The following CDH9 variants were observed in gnomAD, a reference collection of about 807,000 sequenced individuals.
CDH9 encodes the protein cadherin-9.
In CDH9, 28 loss-of-function variants were observed where a neutral mutation model predicts 70.9. That is an observed-to-expected ratio of 0.40 (90% CI 0.29 to 0.54). CDH9 has a LOEUF of 0.54. CDH9 is among the 20% of genes least tolerant of loss of function. The pLI, the probability that CDH9 is intolerant of heterozygous loss-of-function variation, is 0.59. For synonymous variants in CDH9, 409 were observed against 343.1 expected, an observed-to-expected ratio of 1.19 and a Z score of -2.12; for missense variants, 874 against 984.4, an observed-to-expected ratio of 0.89 and a Z score of 1.50.
chr5:26,893,882 T>C (rs1318805917), intron 7 of CDH9, among the ~76,000 whole-genome samples: 1 of 152,148 alleles, frequency 6.6e-6, no homozygotes, highest in Non-Finnish European at 1.5e-5. Flanking sequence ...CAAAATATTA[T>C]GTTTCCTACC....
intron 2 of CDH9, among the ~76,000 whole-genome samples, chr5:26,983,182 T>A (rs138775518): frequency 3.3e-5 from 5 of 152,248 alleles, no homozygotes; most frequent in Admixed American, 1.3e-4. Context: ...GCGGATGTGA[T>A]GAACAAAAGG....
At chr5:27,032,608 T>C (rs1462172498) in intron 1 of CDH9, among the ~76,000 whole-genome samples, 2 of 151,680 alleles carry the variant, frequency 1.3e-5, no homozygotes, top group Admixed American at 6.6e-5. Context: ...CTTTATTAAG[T>C]TGTAACATTA....
intron 3 of CDH9, among the ~76,000 whole-genome samples, chr5:26,911,722 A>G (rs1184876686): frequency 1.3e-5 from 2 of 152,236 alleles, no homozygotes; most frequent in Admixed American, 6.5e-5. Flanking sequence ...CATTGTAATC[A>G]AAGTGTATCC....
intron 1 of CDH9, among the ~76,000 whole-genome samples, chr5:27,017,078 T>C (rs1320716265): frequency 6.6e-6 from 1 of 151,804 alleles, no homozygotes; most frequent in Admixed American, 6.6e-5. Flanking sequence ...CCTTCTATTC[T>C]TCTTCATTGT....
chr5:26,992,197 C>T (rs1258085402), intron 1 of CDH9, among the ~76,000 whole-genome samples: 1 of 152,144 alleles, frequency 6.6e-6, no homozygotes, highest in African/African-American at 2.4e-5. Flanking sequence ...GTAATGCTCT[C>T]CTGCCTGCTG....
chr5:26,999,812 CA>C (rs1202597618), intron 1 of CDH9, among the ~76,000 whole-genome samples: 1 of 151,848 alleles, frequency 6.6e-6, no homozygotes, highest in Non-Finnish European at 1.5e-5. Flanking sequence ...TTTCAGAGGA[CA>C]AAAGGACTTT....
intron 7 of CDH9, among the ~76,000 whole-genome samples, chr5:26,891,929 G>A (rs1047672582): frequency 1.9e-4 from 29 of 152,084 alleles, no homozygotes; most frequent in African/African-American, 6.5e-4. Flanking sequence ...CAACTGCAAG[G>A]ACTTGAAATC....
intron 3 of CDH9, among the ~76,000 whole-genome samples, chr5:26,907,938 T>C (rs113012825): frequency 3.3e-5 from 5 of 152,306 alleles, no homozygotes; most frequent in Non-Finnish European, 5.9e-5. Context: ...AATTGAATTA[T>C]GGTGGATGTT....
chr5:26,933,364 T>A (rs1741497738), intron 2 of CDH9, among the ~76,000 whole-genome samples: 1 of 150,228 alleles, frequency 6.7e-6, no homozygotes, highest in South Asian at 2.1e-4. Context: ...TCCAAAAAAA[T>A]AAATAGGAAA....
chr5:26,896,027 G>T (rs139107511), intron 7 of CDH9, among the ~76,000 whole-genome samples: 15 of 152,046 alleles, frequency 9.9e-5, no homozygotes, highest in African/African-American at 3.6e-4. Flanking sequence ...TTGCAAATTG[G>T]CAGAATTGGT....
At chr5:26,955,872 G>C (rs1216719065) in intron 2 of CDH9, among the ~76,000 whole-genome samples, 1 of 152,176 alleles carries the variant, frequency 6.6e-6, no homozygotes, top group Non-Finnish European at 1.5e-5. Flanking sequence ...AGACAGAATG[G>C]AATCAAATCC....
chr5:26,919,626 C>T (rs893680551), intron 2 of CDH9, among the ~76,000 whole-genome samples: 11 of 152,138 alleles, frequency 7.2e-5, no homozygotes. Context: ...TCTCTCCCAA[C>T]CACCAACAGC....
Position 26,988,146 on chromosome 5 carries a change from A to G in CDH9, c.188T>C (p.Leu63Ser). Residue 63 changes from leucine to serine, a missense_variant, in exon 2 of 12, where the codon TTG becomes TCG. Leu to Ser is a moderately radical substitution (Grantham distance 145, BLOSUM62 -2). Coordinates refer to ENST00000231021, the MANE Select transcript of CDH9 (RefSeq NM_016279.4). ...RGWMWNQFFL[L>S]EEYTGTDTQY... ...TGTGTCAGTACCTGTGTACTCTTCC[A>G]ATAAGAAGAACTGATTCCACATCCA... The G allele has an allele frequency of 2.5e-6, 4 of 1,613,072 alleles. No homozygotes were observed. The South Asian group carries it at 4.4e-5, about 18-fold the overall frequency.
At chr5:26,993,299 T>G (rs1742611998) in intron 1 of CDH9, among the ~76,000 whole-genome samples, 1 of 152,128 alleles carries the variant, frequency 6.6e-6, no homozygotes, top group African/African-American at 2.4e-5. Context: ...TTTTACAGAA[T>G]GTAGAATTTG....
At chr5:26,937,396 G>A (rs1391419135) in intron 2 of CDH9, among the ~76,000 whole-genome samples, 1 of 152,096 alleles carries the variant, frequency 6.6e-6, no homozygotes, top group East Asian at 1.9e-4. Flanking sequence ...GGAGCAATGA[G>A]AACTCAGTCA....
chr5:26,952,634 C>CAAAAAAAAAAAAAA (rs35876875), intron 2 of CDH9, among the ~76,000 whole-genome samples: 6 of 57,800 alleles, frequency 1.0e-4, no homozygotes, highest in Non-Finnish European at 1.8e-4. Context: ...GACTCCGTCT[C>CAAAAAAAAAAAAAA]AAAAAAAAAA....
chr5:27,024,386 G>T (rs1203455610), intron 1 of CDH9, among the ~76,000 whole-genome samples: 2 of 151,962 alleles, frequency 1.3e-5, no homozygotes, highest in African/African-American at 4.8e-5. Flanking sequence ...AAAAAATGTA[G>T]TGTCACATCA....
At chr5:26,999,470 A>C (rs1742726604) in intron 1 of CDH9, among the ~76,000 whole-genome samples, 1 of 152,096 alleles carries the variant, frequency 6.6e-6, no homozygotes, top group South Asian at 2.1e-4. Flanking sequence ...AAGCAAAATA[A>C]TTTCCAAACT....
intron 2 of CDH9, among the ~76,000 whole-genome samples, chr5:26,959,599 A>G (rs1273742811): frequency 6.6e-6 from 1 of 152,142 alleles, no homozygotes; most frequent in Non-Finnish European, 1.5e-5. Flanking sequence ...GGAAGAAACC[A>G]AAGATCTATC....
Sources: allele counts gnomAD v4.1 joint callset (sites outside exome capture counted in the v4.1 genomes callset), GRCh38; gene constraint gnomAD v4.1.1; transcripts MANE v1.5; gene names NCBI Gene and HGNC (gene_info 2026-07-23, HGNC 2026-07-21).